The following SAMMSON variants were observed in gnomAD, a reference collection of about 807,000 sequenced individuals.
SAMMSON encodes survival associated mitochondrial melanoma specific oncogenic non-coding RNA.
At chr3:70,290,274 T>C (rs1245786830) in intron 6 of SAMMSON, among the ~76,000 whole-genome samples, 1 of 152,218 alleles carries the variant, frequency 6.6e-6, no homozygotes, top group African/African-American at 2.4e-5. Flanking sequence ...GTTTTCCTTC[T>C]AACAGACGGG....
intron 4 of SAMMSON, chr3:70,126,511 C>G (rs2067459631): frequency 2.1e-5 from 13 of 619,044 alleles, no homozygotes; most frequent in Non-Finnish European, 3.9e-5. Context: ...GCTCAGCTGG[C>G]AGGTGCCTCA....
At position 70,429,096 on chromosome 3, in the gene SAMMSON, T is replaced by A. The variant is rs555753544; in HGVS notation, n.234-33464T>A. 5.9e-5 allele frequency among the ~76,000 whole-genome samples: 9 copies of A among 152,342 alleles called. No individual in the cohort carries two copies. The South Asian group carries it at 1.9e-3, about 32-fold the overall frequency. ...CTTCTAAGGTTTTTTTTTATGGTTT[T>A]AGGTCTTACATTTAAGTCTTTAATC... is the stretch of plus-strand genomic sequence containing the variant. On this transcript the variant is annotated intron_variant and non_coding_transcript_variant, in intron 2 of 3. Transcript: ENST00000641053.
chr3:70,232,843 G>T (rs916920786), intron 4 of SAMMSON, among the ~76,000 whole-genome samples: 1 of 152,072 alleles, frequency 6.6e-6, no homozygotes. Context: ...CCTTTGTACA[G>T]AAAGAAGGAA....
At chr3:70,082,995 G>A (rs538448047) in intron 4 of SAMMSON, among the ~76,000 whole-genome samples, 2 of 152,300 alleles carry the variant, frequency 1.3e-5, no homozygotes, top group Non-Finnish European at 2.9e-5. Context: ...AGGTCTCTGT[G>A]TTTTGCTACT....
chr3:70,110,815 C>T (rs1042443717), intron 4 of SAMMSON, among the ~76,000 whole-genome samples: 2 of 152,144 alleles, frequency 1.3e-5, no homozygotes, highest in Non-Finnish European at 2.9e-5. Flanking sequence ...GAGTAGACAC[C>T]TGAACGTACG....
intron 4 of SAMMSON, among the ~76,000 whole-genome samples, chr3:70,215,575 A>G (rs2106732671): frequency 6.6e-6 from 1 of 152,150 alleles, no homozygotes; most frequent in East Asian, 1.9e-4. Flanking sequence ...TGCAACTCCA[A>G]TCCCAATTGT....
intron 4 of SAMMSON, among the ~76,000 whole-genome samples, chr3:70,093,613 T>C (rs983278151): frequency 2.2e-4 from 34 of 152,134 alleles, no homozygotes; most frequent in Non-Finnish European, 3.4e-4. Flanking sequence ...GTAATGTCCT[T>C]CCAGCTGGAT....
intron 3 of SAMMSON, among the ~76,000 whole-genome samples, chr3:70,044,408 A>G (rs2067116516): frequency 6.6e-6 from 1 of 152,094 alleles, no homozygotes; most frequent in Non-Finnish European, 1.5e-5. Flanking sequence ...ACACTATGCA[A>G]TGTGCTTAAC....
chr3:70,093,124 C>T (rs1281783734), intron 4 of SAMMSON, among the ~76,000 whole-genome samples: 1 of 152,054 alleles, frequency 6.6e-6, no homozygotes, highest in Non-Finnish European at 1.5e-5. Context: ...ACAATGTGAG[C>T]TTCCATAGCT....
intron 3 of SAMMSON, among the ~76,000 whole-genome samples, chr3:70,054,812 C>T (rs954792300): frequency 3.9e-5 from 6 of 152,086 alleles, no homozygotes; most frequent in African/African-American, 1.4e-4. Flanking sequence ...GAAGTAGCTG[C>T]TTCATCCCTG....
At chr3:70,196,978 G>C (rs1284990920) in intron 4 of SAMMSON, 1 of 398,402 alleles carries the variant, frequency 2.5e-6, no homozygotes, top group Admixed American at 4.4e-5. Flanking sequence ...ACACTCGCTG[G>C]TCTCATGGCA....
At chr3:70,011,726 T>A (rs189742746) in intron 1 of SAMMSON, among the ~76,000 whole-genome samples, 1 of 152,048 alleles carries the variant, frequency 6.6e-6, no homozygotes, top group African/African-American at 2.4e-5. Context: ...GGCAAAATCC[T>A]ATAATGCCAT....
intron 6 of SAMMSON, among the ~76,000 whole-genome samples, chr3:70,281,936 A>G (rs965960387): frequency 1.3e-5 from 2 of 152,176 alleles, no homozygotes; most frequent in Non-Finnish European, 2.9e-5. Flanking sequence ...TTTTGATTGT[A>G]CAGTAACACC....
At chr3:70,404,678 T>A (rs1701165890) in intron 2 of SAMMSON, among the ~76,000 whole-genome samples, 1 of 151,994 alleles carries the variant, frequency 6.6e-6, no homozygotes, top group Non-Finnish European at 1.5e-5. Context: ...AGAAATAACA[T>A]CAGATAAAAT....
intron 6 of SAMMSON, among the ~76,000 whole-genome samples, chr3:70,255,010 A>G (rs978377050): frequency 2.0e-5 from 3 of 152,160 alleles, no homozygotes; most frequent in African/African-American, 7.2e-5. Context: ...ATTGTTCCTT[A>G]TAATTTTACA....
intron 7 of SAMMSON, among the ~76,000 whole-genome samples, chr3:70,318,385 G>A (rs1464596099): frequency 6.6e-6 from 1 of 151,536 alleles, no homozygotes; most frequent in Admixed American, 6.6e-5. Context: ...CCTTTCTTTT[G>A]CAGTTGCCAA....
At chr3:70,022,294 G>A in intron 3 of SAMMSON, among the ~76,000 whole-genome samples, 1 of 148,038 alleles carries the variant, frequency 6.8e-6, no homozygotes, top group Non-Finnish European at 1.5e-5. Flanking sequence ...GAGGGAGGAG[G>A]GATAGCATTA....
chr3:70,230,869 C>T (rs1173608828), intron 4 of SAMMSON, among the ~76,000 whole-genome samples: 1 of 152,138 alleles, frequency 6.6e-6, no homozygotes, highest in African/African-American at 2.4e-5. Context: ...CCTCCCAAGT[C>T]AGAAAAGAGA....
rs552062539 is a variant in SAMMSON at position 70,008,843 on chromosome 3, C to T, written n.23-3514C>T. Among the ~76,000 whole-genome samples, 6 of 152,298 alleles carry T rather than the reference C, an allele frequency of 3.9e-5. No homozygotes were observed. The East Asian group carries it at 1.2e-3, about 29-fold the overall frequency. ...TACCTAATTTATTGATAGTTTTTAG[C>T]ATGAAGCGTTGTTGAATTTTGTGAA... On this transcript the variant is annotated intron_variant and non_coding_transcript_variant, in intron 1 of 9. Coordinates refer to ENST00000642114, the Ensembl canonical transcript of SAMMSON.
Sources: allele counts gnomAD v4.1 joint callset (sites outside exome capture counted in the v4.1 genomes callset), GRCh38; gene constraint gnomAD v4.1.1; transcripts MANE v1.5; gene names NCBI Gene and HGNC (gene_info 2026-07-23, HGNC 2026-07-21).